The following ACSS3 variants were observed in gnomAD, a reference collection of about 807,000 sequenced individuals.
The protein encoded by ACSS3 is acyl-CoA synthetase short-chain family member 3, mitochondrial.
A neutral mutation model predicts 84.2 loss-of-function variants in ACSS3; 64 were observed. The ratio of observed to expected loss-of-function variants is 0.76; its 90% CI spans 0.62 to 0.94. ACSS3 has a LOEUF of 0.94. ACSS3 is among the 40% of genes least tolerant of loss of function. ACSS3 has a pLI of 0.00. For synonymous variants in ACSS3, 317 were observed against 310.1 expected (o/e 1.02, Z -0.23); for missense variants, 815 against 867.6 (o/e 0.94, Z 0.76).
chr12:81,184,210 T>A (rs1490244459), intron 8 of ACSS3, among the ~76,000 whole-genome samples: 1 of 151,752 alleles, frequency 6.6e-6, no homozygotes, highest in East Asian at 1.9e-4. Flanking sequence ...AAAGAAGAAA[T>A]CAAAAGAACA....
At chr12:81,078,017 C>T (rs1880722791), upstream of ACSS3, 3 of 1,293,264 alleles carry the variant, frequency 2.3e-6, no homozygotes, top group South Asian at 3.2e-5. Context: ...GCTCTGGGCT[C>T]ACTTCGGAAT....
intron 2 of ACSS3, among the ~76,000 whole-genome samples, chr12:81,133,755 A>T (rs1340024430): frequency 2.0e-5 from 3 of 152,004 alleles, no homozygotes; most frequent in Non-Finnish European, 4.4e-5. Context: ...GCTTATTGTG[A>T]GTATTTTCTC....
intron 2 of ACSS3, among the ~76,000 whole-genome samples, chr12:81,133,383 GC>G (rs1885624154): frequency 6.6e-6 from 1 of 152,036 alleles, no homozygotes; most frequent in Non-Finnish European, 1.5e-5. Flanking sequence ...TGCCCACCAT[GC>G]CCCTACAGGC....
chr12:81,251,717 C>A (rs1489432372), intron 13 of ACSS3, among the ~76,000 whole-genome samples: 4 of 149,040 alleles, frequency 2.7e-5, no homozygotes, highest in Admixed American at 2.0e-4. Context: ...GTGGTGTGCA[C>A]CTGTAGAACC....
chr12:81,162,442 G>GTGAGTCTGGC (rs1887197669), intron 7 of ACSS3, among the ~76,000 whole-genome samples: 1 of 152,176 alleles, frequency 6.6e-6, no homozygotes, highest in South Asian at 2.1e-4. Context: ...CCTCAACTCT[G>GTGAGTCTGGC]TGAGTCTGGC....
In ACSS3 at chr12:81,151,908, G is replaced by A. The variant is rs1886628657; in HGVS notation, c.986G>A (p.Gly329Glu). 1 of 1,613,674 alleles carries A rather than the reference G, an allele frequency of 6.2e-7. No individual in the cohort carries two copies. Among genetic ancestry groups the A allele is most frequent in the South Asian group, 1.1e-5 (1 of 91,022 alleles). The change falls in exon 6 of 16, where the codon GGA (glycine) becomes GAA (glutamate). Residue 329 changes from glycine to glutamate, a missense_variant. By Grantham distance (98) the Gly-to-Glu change is moderately conservative. Coordinates refer to ENST00000548058, the MANE Select transcript of ACSS3 (RefSeq NM_024560.4). ...CACTGGTCAATGTCTTCCATATACGGACTTCAACCCGGAGAGGTAATCGTG... is the reference window on the plus strand; with the variant it reads ...CACTGGTCAATGTCTTCCATATACGAACTTCAACCCGGAGAGGTAATCGTG... ...MLHWSMSSIY[G>E]LQPGEVWWAA...
chr12:81,188,023 C>G (rs1179303168), intron 8 of ACSS3, among the ~76,000 whole-genome samples: 1 of 151,826 alleles, frequency 6.6e-6, no homozygotes, highest in African/African-American at 2.4e-5. Flanking sequence ...TAGGATACCT[C>G]TAAAGGGAAG....
intron 2 of ACSS3, among the ~76,000 whole-genome samples, chr12:81,113,644 A>G (rs1049388526): frequency 6.6e-6 from 1 of 152,126 alleles, no homozygotes; most frequent in African/African-American, 2.4e-5. Flanking sequence ...TGAATGAAAT[A>G]CTTTTTGAAA....
chr12:81,128,238 T>G (rs773888597), intron 2 of ACSS3, among the ~76,000 whole-genome samples: 3 of 152,098 alleles, frequency 2.0e-5, no homozygotes, highest in Non-Finnish European at 4.4e-5. Context: ...TTCCTTCTTA[T>G]TTTTGTACCT....
chr12:81,201,550 A>T (rs182385851), intron 9 of ACSS3, among the ~76,000 whole-genome samples: 65 of 152,292 alleles, frequency 4.3e-4, no homozygotes, highest in African/African-American at 1.5e-3. Context: ...GAAGCATATG[A>T]GGTCCCTGGT....
At chr12:81,122,101 T>G (rs894229471) in intron 2 of ACSS3, among the ~76,000 whole-genome samples, 1 of 151,776 alleles carries the variant, frequency 6.6e-6, no homozygotes, top group Non-Finnish European at 1.5e-5. Context: ...CCTAGCTAAT[T>G]TTTGTATTTT....
chr12:81,165,651 GAA>G lies in ACSS3; in HGVS notation c.1099-9127_1099-9126del, dbSNP rs11366530. On this transcript the variant is annotated intron_variant, in intron 7 of 15. Coordinates refer to ENST00000548058, the MANE Select transcript of ACSS3 (RefSeq NM_024560.4). ...ACAGAGCGAGACTCTGTCTCAAAAA[GAA>G]AAAAAAAAAGATTAATATAAAGTAC... is the stretch of plus-strand genomic sequence containing the variant. Among the ~76,000 whole-genome samples, 11 of 142,514 alleles carry G rather than the reference GAA, an allele frequency of 7.7e-5. 1 individual carries two copies. The highest frequency in any genetic ancestry group is 2.2e-4 in the South Asian group (1 of 4,506). The allele number at this position is 142,514 out of a possible 152,430, so 93.5% of individuals were successfully genotyped here.
chr12:81,138,407 G>T (rs980623147), intron 3 of ACSS3, among the ~76,000 whole-genome samples: 23 of 152,284 alleles, frequency 1.5e-4, no homozygotes, highest in African/African-American at 5.5e-4. Context: ...CTGAACATTT[G>T]AGGCATGTCC....
chr12:81,104,526 G>T (rs1040516830), intron 1 of ACSS3, among the ~76,000 whole-genome samples: 1 of 152,110 alleles, frequency 6.6e-6, no homozygotes, highest in Non-Finnish European at 1.5e-5. Context: ...ATTAGTTTAT[G>T]TGGGGAGCTG....
At chr12:81,193,909 G>A (rs970545634) in intron 8 of ACSS3, among the ~76,000 whole-genome samples, 7 of 151,576 alleles carry the variant, frequency 4.6e-5, no homozygotes, top group African/African-American at 1.7e-4. Flanking sequence ...ACCATCCAGA[G>A]GGCCCAAATT....
intron 8 of ACSS3, among the ~76,000 whole-genome samples, chr12:81,178,905 G>C (rs1335009457): frequency 6.6e-6 from 1 of 152,102 alleles, no homozygotes; most frequent in Non-Finnish European, 1.5e-5. Context: ...ATATTACAAG[G>C]CTACATTAAC....
chr12:81,169,883 A>G (rs1481317990), intron 7 of ACSS3, among the ~76,000 whole-genome samples: 1 of 152,270 alleles, frequency 6.6e-6, no homozygotes, highest in Non-Finnish European at 1.5e-5. Flanking sequence ...AAAATTTGCT[A>G]CTAGTCGATA....
chr12:81,259,378 A>C lies in ACSS3; in HGVS notation c.*4456A>C. On this transcript the variant is annotated 3_prime_UTR_variant, in exon 16 of 16. Transcript: ENST00000548058. ...AATACATAAATGCCTAGTATATTAC[A>C]ATAAAACATGAAAAACAACTGGCTT... 1.6e-6 allele frequency: 1 copy of C among 617,394 alleles called. No individual in the cohort carries two copies. The highest frequency in any genetic ancestry group is 3.0e-6 in the Non-Finnish European group (1 of 336,504). The allele number at this position is 617,394 out of a possible 1,614,324, so 38.2% of individuals were successfully genotyped here.
chr12:81,109,832 T>C (rs1883423473), intron 2 of ACSS3, 128 bp downstream of exon 2: 2 of 797,390 alleles, frequency 2.5e-6, no homozygotes, highest in Non-Finnish European at 3.7e-6. Context: ...TTTCTTTTGA[T>C]ACACATTGGA....
Sources: gnomAD v4.1 joint callset for allele counts (sites outside exome capture counted in the v4.1 genomes callset) on GRCh38, gnomAD v4.1.1 for gene constraint, MANE v1.5 for transcripts, NCBI Gene and HGNC (gene_info 2026-07-23, HGNC 2026-07-21) for gene names.